Variants in EPM2A observed in about 807,000 individuals in gnomAD.
EPM2A encodes the protein EPM2A glucan phosphatase, laforin.
In EPM2A, 21 loss-of-function variants were observed where a neutral mutation model predicts 26.5. The ratio of observed to expected loss-of-function variants is 0.79; its 90% confidence interval spans 0.56 to 1.14. The LOEUF (loss-of-function observed/expected upper bound fraction) is 1.14, where lower values mean the gene tolerates loss of function less well. EPM2A is among the 50% of genes most tolerant of loss of function. EPM2A has a pLI of 0.00. For synonymous variants in EPM2A, 217 were observed against 177.6 expected (o/e 1.22, Z -1.76); for missense variants, 458 against 440.8 (o/e 1.04, Z -0.35).
At chr6:145,683,259 C>G (rs996778106) in intron 2 of EPM2A, among the ~76,000 whole-genome samples, 2 of 100,058 alleles carry the variant, frequency 2.0e-5, no homozygotes, top group African/African-American at 7.3e-5. Context: ...ATAAAGATTC[C>G]CAGGATTTGG....
At chr6:145,388,432 G>C (rs1778291896) in intron 4 of EPM2A, among the ~76,000 whole-genome samples, 1 of 152,078 alleles carries the variant, frequency 6.6e-6, no homozygotes, top group South Asian at 2.1e-4. Context: ...TCTTTGCATT[G>C]GTTGTTCTAT....
chr6:145,440,589 A>G (rs1779048804), intron 4 of EPM2A, among the ~76,000 whole-genome samples: 2 of 152,194 alleles, frequency 1.3e-5, no homozygotes, highest in Admixed American at 1.3e-4. Context: ...GAGCCTGTAA[A>G]ATCAAAAGCC....
At chr6:145,405,869 AC>A (rs1273843744) in intron 4 of EPM2A, among the ~76,000 whole-genome samples, 1 of 152,092 alleles carries the variant, frequency 6.6e-6, no homozygotes, top group South Asian at 2.1e-4. Context: ...TACCCACTTT[AC>A]AACTTTCTCT....
intron 4 of EPM2A, among the ~76,000 whole-genome samples, chr6:145,439,436 T>G (rs1039241674): frequency 6.6e-6 from 1 of 152,192 alleles, no homozygotes; most frequent in African/African-American, 2.4e-5. Context: ...CAGCAATGTG[T>G]AAATGTTTCC....
intron 2 of EPM2A, among the ~76,000 whole-genome samples, chr6:145,580,132 C>T (rs1477737425): frequency 6.6e-6 from 1 of 152,024 alleles, no homozygotes; most frequent in East Asian, 1.9e-4. Flanking sequence ...TCATTTTAAG[C>T]ATTTCTTGTT....
At chr6:145,681,322 T>G (rs1276954333) in intron 2 of EPM2A, among the ~76,000 whole-genome samples, 133 of 151,204 alleles carry the variant, frequency 8.8e-4, no homozygotes, top group Non-Finnish European at 1.5e-3. Context: ...GTTGCAAAAA[T>G]TTTCTCCCAT....
At chr6:145,706,931 C>T (rs1782255294) in intron 1 of EPM2A, among the ~76,000 whole-genome samples, 1 of 152,136 alleles carries the variant, frequency 6.6e-6, no homozygotes, top group South Asian at 2.1e-4. Flanking sequence ...GTCATGAGGG[C>T]TCCACCCTCA....
At chr6:145,688,989 G>C (rs750793055) in intron 1 of EPM2A, among the ~76,000 whole-genome samples, 12 of 152,030 alleles carry the variant, frequency 7.9e-5, no homozygotes, top group Non-Finnish European at 1.6e-4. Context: ...GGCTCCCATT[G>C]GTCAGTATAA....
intron 1 of EPM2A, among the ~76,000 whole-genome samples, chr6:145,698,066 G>A (rs1176881354): frequency 1.3e-5 from 2 of 152,162 alleles, no homozygotes; most frequent in Non-Finnish European, 2.9e-5. Context: ...AATTATAAAA[G>A]TATTAATTTG....
At chr6:145,407,333 C>T (rs983257233) in intron 4 of EPM2A, among the ~76,000 whole-genome samples, 2 of 152,098 alleles carry the variant, frequency 1.3e-5, no homozygotes, top group African/African-American at 4.8e-5. Context: ...CTGTATTTGT[C>T]ATAATATGAG....
intron 4 of EPM2A, among the ~76,000 whole-genome samples, chr6:145,482,421 A>G (rs1417413739): frequency 6.6e-6 from 1 of 152,094 alleles, no homozygotes; most frequent in East Asian, 1.9e-4. Flanking sequence ...TTTTTGCTTG[A>G]TCTACTTTTT....
At chr6:145,687,060 C>T (rs1245199343) in intron 1 of EPM2A, 1 of 152,230 alleles carries the variant, frequency 6.6e-6, no homozygotes, top group Non-Finnish European at 1.5e-5. Context: ...TCACGATTGC[C>T]CAGTATCAAC....
intron 4 of EPM2A, among the ~76,000 whole-genome samples, chr6:145,419,879 G>A (rs1227136997): frequency 5.3e-5 from 8 of 152,050 alleles, no homozygotes; most frequent in Non-Finnish European, 1.2e-4. Context: ...TCAAATATAC[G>A]TTAGTGAGCT....
chr6:145,542,817 G>C (rs1200027003), intron 2 of EPM2A, among the ~76,000 whole-genome samples: 1 of 152,128 alleles, frequency 6.6e-6, no homozygotes, highest in African/African-American at 2.4e-5. Flanking sequence ...GGAGTACAAT[G>C]GTGCAATCTC....
chr6:145,493,087 TA>T (rs1779775481), intron 4 of EPM2A, among the ~76,000 whole-genome samples: 1 of 152,122 alleles, frequency 6.6e-6, no homozygotes, highest in Admixed American at 6.5e-5. Flanking sequence ...TACCCTTCCC[TA>T]CCCCTCCATT....
At chr6:145,485,716 T>C (rs1018926426) in intron 4 of EPM2A, among the ~76,000 whole-genome samples, 3 of 152,180 alleles carry the variant, frequency 2.0e-5, no homozygotes, top group South Asian at 2.1e-4. Context: ...GTTTTCATGA[T>C]GCTGATAAAG....
At chr6:145,696,805 G>GTGTGTGTT (rs1554264387) in intron 1 of EPM2A, among the ~76,000 whole-genome samples, 7 of 151,136 alleles carry the variant, frequency 4.6e-5, no homozygotes, top group Non-Finnish European at 8.9e-5. Flanking sequence ...GTGTGTGTGT[G>GTGTGTGTT]TGTGTGTGTG....
rs542530538 is a variant in EPM2A at position 145,425,620 on chromosome 6, T to A, written c.556-41523A>T. On this transcript the variant is annotated intron_variant, in intron 4 of 4. Transcript: ENST00000638717. ...TCCATTCCTTTAAAATTGTCAGATA[T>A]TTGAGAATGGCAAAAAAAAAAAAAA... is the stretch of plus-strand genomic sequence containing the variant. Among the ~76,000 whole-genome samples the A allele has an allele frequency of 7.4e-5, 10 of 135,744 alleles. No homozygotes were observed. In the East Asian group the frequency reaches 1.3e-3, roughly 18 times the overall value. The allele number at this position is 135,744 out of a possible 152,430, so 89.1% of individuals were successfully genotyped here. A position where few individuals can be genotyped will look rare whatever the true frequency, so the allele number is the denominator to read the frequency against.
At chr6:145,513,421 G>A (rs187291259) in intron 2 of EPM2A, among the ~76,000 whole-genome samples, 1 of 152,158 alleles carries the variant, frequency 6.6e-6, no homozygotes, top group Non-Finnish European at 1.5e-5. Flanking sequence ...TGAATGCAGA[G>A]AAAAGGGAAT....
Sources: gnomAD v4.1 joint callset for allele counts (sites outside exome capture counted in the v4.1 genomes callset) on GRCh38, gnomAD v4.1.1 for gene constraint, MANE v1.5 for transcripts, NCBI Gene and HGNC (gene_info 2026-07-23, HGNC 2026-07-21) for gene names.